Variants in RARB observed in about 807,000 individuals in gnomAD.
RARB encodes retinoic acid receptor beta.
A neutral mutation model predicts 51.9 loss-of-function variants in RARB; 17 were observed. The ratio of observed to expected loss-of-function variants is 0.33; its 90% CI spans 0.22 to 0.49. RARB has a LOEUF of 0.49. RARB is among the 20% of genes least tolerant of loss of function. The pLI is 0.99. For synonymous variants in RARB, 215 were observed against 195.4 expected (o/e 1.10, Z -0.84); for missense variants, 369 against 550.8 (o/e 0.67, Z 3.30).
At chr3:25,529,732 TG>T (rs1276227276) in intron 3 of RARB, among the ~76,000 whole-genome samples, 1 of 152,162 alleles carries the variant, frequency 6.6e-6, no homozygotes, top group Non-Finnish European at 1.5e-5. Context: ...CTCATAGAAC[TG>T]TATGCCAAAA....
At chr3:24,938,420 A>G (rs1695589989) in intron 2 of RARB, among the ~76,000 whole-genome samples, 1 of 152,070 alleles carries the variant, frequency 6.6e-6, no homozygotes, top group Non-Finnish European at 1.5e-5. Context: ...TCATTCTGCC[A>G]TAGATGTATT....
At chr3:25,268,804 T>C (rs760389976) in intron 5 of RARB, among the ~76,000 whole-genome samples, 1 of 152,172 alleles carries the variant, frequency 6.6e-6, no homozygotes, top group African/African-American at 2.4e-5. Context: ...TTAGGACCTT[T>C]CTCTCCTCTT....
intron 2 of RARB, among the ~76,000 whole-genome samples, chr3:24,911,808 G>T (rs775143836): frequency 3.9e-5 from 6 of 152,152 alleles, no homozygotes; most frequent in African/African-American, 1.2e-4. Flanking sequence ...CCATATTGTG[G>T]ATTAAAATGT....
intron 5 of RARB, among the ~76,000 whole-genome samples, chr3:25,319,299 G>A (rs976941498): frequency 1.7e-4 from 26 of 152,118 alleles, no homozygotes; most frequent in African/African-American, 6.0e-4. Flanking sequence ...TGGCATAGAC[G>A]ATGCCCACAT....
intron 5 of RARB, among the ~76,000 whole-genome samples, chr3:25,191,701 G>A (rs924801062): frequency 6.6e-6 from 1 of 152,074 alleles, no homozygotes; most frequent in Non-Finnish European, 1.5e-5. Flanking sequence ...TCTATGCAAG[G>A]ATTTGAAATG....
chr3:25,447,905 G>C (rs1709019247), intron 1 of RARB, among the ~76,000 whole-genome samples: 1 of 152,094 alleles, frequency 6.6e-6, no homozygotes. Flanking sequence ...GGAAAGAAGG[G>C]AAGGTGAATA....
upstream of RARB, among the ~76,000 whole-genome samples, chr3:25,425,980 C>T (rs1160864997): frequency 6.6e-6 from 1 of 152,208 alleles, no homozygotes; most frequent in Non-Finnish European, 1.5e-5. Context: ...TTCTCCTGCT[C>T]TACTTCCAAT....
At chr3:25,573,367 G>A (rs1442346706) in intron 4 of RARB, among the ~76,000 whole-genome samples, 2 of 152,128 alleles carry the variant, frequency 1.3e-5, no homozygotes, top group African/African-American at 4.8e-5. Context: ...CCTCAACTGG[G>A]GCCCACCCTC....
chr3:24,903,494 A>G (rs796963021), intron 2 of RARB, among the ~76,000 whole-genome samples: 34 of 152,286 alleles, frequency 2.2e-4, no homozygotes, highest in African/African-American at 7.5e-4. Flanking sequence ...CAATATAATC[A>G]TAAATATATT....
chr3:25,419,949 A>G (rs1169345294), intron 5 of RARB, among the ~76,000 whole-genome samples: 5 of 152,204 alleles, frequency 3.3e-5, no homozygotes, highest in Admixed American at 2.0e-4. Context: ...GGAAGCCACC[A>G]TGATATCTTC....
chr3:25,037,911 A>C (rs968925434), intron 2 of RARB, among the ~76,000 whole-genome samples: 1 of 152,148 alleles, frequency 6.6e-6, no homozygotes, highest in African/African-American at 2.4e-5. Context: ...GAAAGAGAGA[A>C]AACCAGAAGA....
At chr3:25,040,255 C>T (rs1698085375) in intron 2 of RARB, among the ~76,000 whole-genome samples, 1 of 152,148 alleles carries the variant, frequency 6.6e-6, no homozygotes, top group Non-Finnish European at 1.5e-5. Flanking sequence ...TTCAGTTTTG[C>T]ACTTGGCCTT....
chr3:25,474,806 T>A (rs1385839153), intron 2 of RARB, among the ~76,000 whole-genome samples: 1 of 152,234 alleles, frequency 6.6e-6, no homozygotes, highest in East Asian at 1.9e-4. Flanking sequence ...TCTAATTCAG[T>A]TGTATTTTGC....
At chr3:25,008,714 C>T (rs1009334727) in intron 2 of RARB, among the ~76,000 whole-genome samples, 1 of 152,060 alleles carries the variant, frequency 6.6e-6, no homozygotes, top group Non-Finnish European at 1.5e-5. Flanking sequence ...AGTCTGTTCC[C>T]AGTCAGTCCA....
chr3:25,233,748 C>T (rs565228036), intron 5 of RARB, among the ~76,000 whole-genome samples: 1 of 145,954 alleles, frequency 6.9e-6, no homozygotes, highest in Non-Finnish European at 1.5e-5. Flanking sequence ...GTTTGCCAGG[C>T]GTTTTTGTTT....
intron 5 of RARB, chr3:25,324,409 C>T (rs767439115): frequency 3.8e-5 from 6 of 158,380 alleles, no homozygotes; most frequent in Non-Finnish European, 5.7e-5. Flanking sequence ...ACTGCCATAA[C>T]GCCCTCTGTG....
In RARB at chr3:25,428,342, A is replaced by G; in HGVS notation, c.-390A>G. 1.6e-6 allele frequency: 2 copies of G among 1,247,686 alleles called. No individual in the cohort carries two copies. Among genetic ancestry groups the G allele is most frequent in the Non-Finnish European group, 2.0e-6 (2 of 996,934 alleles). The allele number at this position is 1,247,686 out of a possible 1,614,324, so 77.3% of individuals were successfully genotyped here. On this transcript the variant is annotated 5_prime_UTR_variant, in exon 1 of 8. The change abolishes an upstream ATG in the 5' untranslated region. Transcript: ENST00000330688. Reference sequence around the variant, plus strand: ...CCAAAGGGGGGACCAGAATTCCCCCATGCGAGCTGTTTGAGGACTGGGATG... The same window carrying G: ...CCAAAGGGGGGACCAGAATTCCCCCGTGCGAGCTGTTTGAGGACTGGGATG...
intron 5 of RARB, among the ~76,000 whole-genome samples, chr3:25,333,519 A>C (rs1704968153): frequency 6.6e-6 from 1 of 152,150 alleles, no homozygotes; most frequent in Non-Finnish European, 1.5e-5. Flanking sequence ...CTTATACAAA[A>C]ATTAATTCAA....
At position 25,544,916 on chromosome 3, in the gene RARB, A is replaced by G. The variant is rs939509787; in HGVS notation, c.449-24842A>G. 3.9e-5 allele frequency among the ~76,000 whole-genome samples: 6 copies of G among 152,148 alleles called. No homozygotes were observed. In the East Asian group the frequency reaches 1.2e-3, roughly 29 times the overall value. On this transcript the variant is annotated intron_variant, in intron 3 of 7. Transcript: ENST00000330688. ...TGGTTTCAAGAAATAGGATGTAAGAAATCAGGGATTTTATTCTGTTGTCTG... is the reference window on the plus strand; with the variant it reads ...TGGTTTCAAGAAATAGGATGTAAGAGATCAGGGATTTTATTCTGTTGTCTG...
Sources: allele counts gnomAD v4.1 joint callset (sites outside exome capture counted in the v4.1 genomes callset), GRCh38; gene constraint gnomAD v4.1.1; transcripts MANE v1.5; gene names NCBI Gene and HGNC (gene_info 2026-07-23, HGNC 2026-07-21).